PTPRS: variants seen among roughly 807,000 people sequenced by gnomAD.
PTPRS encodes receptor-type tyrosine-protein phosphatase S.
A neutral mutation model predicts 215.3 loss-of-function variants in PTPRS; 63 were observed. That is an observed-to-expected ratio of 0.29 (90% CI 0.24 to 0.36). The LOEUF (loss-of-function observed/expected upper bound fraction) is 0.36. Among genes scored for constraint, PTPRS ranks in the 10% least tolerant of loss-of-function variants. PTPRS has a pLI of 1.00. For synonymous variants in PTPRS, 1,404 were observed against 1,191.4 expected (o/e 1.18, Z -3.68); for missense variants, 2,258 against 2,825.8 (o/e 0.80, Z 4.56).
chr19:5,243,925 T>C lies in PTPRS; in HGVS notation c.1546A>G (p.Ile516Val), dbSNP rs1404373711. 6.4e-7 allele frequency: 1 copy of C among 1,553,804 alleles called. No individual in the cohort carries two copies. The highest frequency in any genetic ancestry group is 8.7e-7 in the Non-Finnish European group (1 of 1,153,898). Residue 516 changes from isoleucine to valine, a missense_variant, in exon 11 of 38, where the codon ATC (isoleucine) becomes GTC (valine). By Grantham distance (29) the Ile-to-Val change is conservative (BLOSUM62 3). Around this residue, in one of 6 missense-constraint regions of PTPRS, gnomAD observed 508 missense variants for 799.4 expected, o/e 0.64. Transcript: ENST00000262963. ...SVGDGPLSDP[I>V]QVKTQQGVPG... ...CCTCCCTGCTGCGTCTTGACCTGGA[T>C]GGGGTCCGAGAGGGGCCCGTCGCCG... is the stretch of plus-strand genomic sequence containing the variant.
chr19:5,313,178 A>C (rs1475353894), intron 1 of PTPRS, among the ~76,000 whole-genome samples: 1 of 152,086 alleles, frequency 6.6e-6, no homozygotes, highest in Admixed American at 6.6e-5. Context: ...CAGCCTCCCA[A>C]AGTGCTGGGA....
intron 33 of PTPRS, among the ~76,000 whole-genome samples, chr19:5,211,311 T>A (rs977431526): frequency 6.6e-6 from 1 of 152,102 alleles, no homozygotes; most frequent in Non-Finnish European, 1.5e-5. Flanking sequence ...GTAGTACTCA[T>A]GAAAATAAGA....
Position 5,244,233 on chromosome 19 carries a change from G to T in PTPRS, c.1238C>A (p.Pro413His). 2 of 1,612,304 alleles carry T rather than the reference G, an allele frequency of 1.2e-6. No homozygotes were observed. Among genetic ancestry groups the T allele is most frequent in the Non-Finnish European group, 1.7e-6 (2 of 1,178,926 alleles). Residue 413 changes from proline (P) to histidine (H), a missense_variant, in exon 11 of 38, where the codon CCC becomes CAC. This residue lies in a region of PTPRS where 508 missense variants were observed against 799.4 expected (regional missense o/e 0.64). Coordinates refer to ENST00000262963, the MANE Select transcript of PTPRS (RefSeq NM_002850.4). This position sits in a 1 kb window ranked among gnomAD's most constrained non-coding sequence, Gnocchi z 7.2. ...TGTGCGGGTGACCACGGACTCGCTG[G>T]GGGGCCCCTGGCCGATGGAGTTGAC... ...SAVNSIGQGP[P>H]SESVVTRTGE...
At chr19:5,279,712 TCA>T (rs1475945764) in intron 2 of PTPRS, among the ~76,000 whole-genome samples, 6 of 151,928 alleles carry the variant, frequency 3.9e-5, no homozygotes, top group Admixed American at 1.3e-4. Flanking sequence ...AGACAGAGTC[TCA>T]CTGTGTCACC....
rs1474246340 is a variant in PTPRS at position 5,231,500 on chromosome 19, G to A, written c.1965C>T (p.Ser655=). The A allele has an allele frequency of 3.1e-6, 5 of 1,612,486 alleles. No homozygotes were observed. Among genetic ancestry groups the A allele is most frequent in the Non-Finnish European group, 4.2e-6 (5 of 1,179,854 alleles). ...ETHNGALVGY[S]VRYRPLGSED... ...CTGAGCCCAGCGGTCGGTAGCGGACGCTGTAGCCCACCAGGGCCCCGTTGT... is the reference window on the plus strand; with the variant it reads ...CTGAGCCCAGCGGTCGGTAGCGGACACTGTAGCCCACCAGGGCCCCGTTGT... The change falls in exon 14 of 38, where the codon AGC becomes AGT. Residue 655 remains serine (S), a synonymous_variant. Coordinates refer to ENST00000262963, the MANE Select transcript of PTPRS (RefSeq NM_002850.4).
intron 16 of PTPRS, among the ~76,000 whole-genome samples, chr19:5,228,437 C>A (rs1199063033): frequency 6.6e-6 from 1 of 151,700 alleles, no homozygotes; most frequent in Non-Finnish European, 1.5e-5. Context: ...CCTCTGCCTC[C>A]CAGGTTCAAA....
At position 5,310,049 on chromosome 19, in the gene PTPRS, C is replaced by T. The variant is rs199938880; in HGVS notation, c.-94-23815G>A. 3.6e-4 allele frequency among the ~76,000 whole-genome samples: 55 copies of T among 152,216 alleles called. 1 individual carries two copies. In the East Asian group the frequency reaches 9.9e-3, roughly 27 times the overall value. On this transcript the variant is annotated intron_variant, in intron 1 of 37. Coordinates refer to ENST00000262963, the MANE Select transcript of PTPRS (RefSeq NM_002850.4). ...ACCTGCTCTGTCCTCTCCCTGCTCT[C>T]CCCTCCCCTCCTCCCCCTCCTCACT...
chr19:5,223,044 C>T lies in PTPRS; in HGVS notation c.2748G>A (p.Glu916=), dbSNP rs1450151264. The change falls in exon 18 of 38, where the codon GAG becomes GAA. Residue 916 remains glutamate, a synonymous_variant. Transcript: ENST00000262963. ...CCGGGATGCTCAGGACCTCGGCTGC[C>T]TCCTCGCCCAGGCCGCCGCGGCTCC... is the stretch of plus-strand genomic sequence containing the variant. The part of the protein sequence containing the change: ...AARSRGGLGE[E]AAEVLSIPED... The T allele has an allele frequency of 6.5e-7, 1 of 1,548,562 alleles. No individual in the cohort carries two copies. Among genetic ancestry groups the T allele is most frequent in the African/African-American group, 1.4e-5 (1 of 73,076 alleles).
At chr19:5,216,133 T>TAC (rs1336676706) in intron 26 of PTPRS, among the ~76,000 whole-genome samples, 1 of 152,082 alleles carries the variant, frequency 6.6e-6, no homozygotes, top group Non-Finnish European at 1.5e-5. Context: ...TGTGTGTGTG[T>TAC]ACGTGAGAGG....
At chr19:5,319,059 C>T (rs1465624468) in intron 1 of PTPRS, among the ~76,000 whole-genome samples, 2 of 152,136 alleles carry the variant, frequency 1.3e-5, no homozygotes, top group African/African-American at 4.8e-5. Context: ...AGCATCAGCT[C>T]AGCCTGGCCA....
intron 1 of PTPRS, among the ~76,000 whole-genome samples, chr19:5,324,298 GCA>G (rs777202160): frequency 3.6e-4 from 54 of 150,664 alleles, no homozygotes; most frequent in Non-Finnish European, 6.5e-4. Context: ...AGTACTCAGC[GCA>G]CAGTCCGGCA....
rs1378065887 is a variant in PTPRS, at chr19:5,339,502, C to G, written c.-95+1162G>C. ...TTTGAGGATTCTGGAGAGAAAGCGG[C>G]CGAAGGGGAGTTCCCCAATTTGGGA... On this transcript the variant is annotated intron_variant, in intron 1 of 37. Coordinates refer to ENST00000262963, the MANE Select transcript of PTPRS (RefSeq NM_002850.4). The surrounding 1 kb of genome is among the most constrained non-coding windows in gnomAD (Gnocchi z 4.2). Among the ~76,000 whole-genome samples the G allele has an allele frequency of 6.6e-6, 1 of 150,922 alleles. No individual in the cohort carries two copies. The highest frequency in any genetic ancestry group is 1.5e-5 in the Non-Finnish European group (1 of 67,784).
intron 21 of PTPRS, 31 bp from the exon 22 acceptor site, chr19:5,220,185 G>T: frequency 1.2e-6 from 2 of 1,608,898 alleles, no homozygotes; most frequent in Non-Finnish European, 1.7e-6. Flanking sequence ...GTGGCTCAGA[G>T]CTCAGCTGGG....
At chr19:5,265,326 G>T in intron 4 of PTPRS, 130 bp from the exon 5 acceptor site, 1 of 791,812 alleles carries the variant, frequency 1.3e-6, no homozygotes, top group Non-Finnish European at 2.0e-6. Context: ...AGCCATGGGT[G>T]CCATCCTTTA....
intron 4 of PTPRS, among the ~76,000 whole-genome samples, chr19:5,271,628 G>A (rs1436460656): frequency 6.7e-6 from 1 of 150,202 alleles, no homozygotes; most frequent in African/African-American, 2.4e-5. Flanking sequence ...TCTAAGTCCT[G>A]ACCTCGCGAT....
At chr19:5,248,265 A>G (rs935939105) in intron 9 of PTPRS, among the ~76,000 whole-genome samples, 1 of 151,136 alleles carries the variant, frequency 6.6e-6, no homozygotes, top group African/African-American at 2.5e-5. Flanking sequence ...GTCCAAAACA[A>G]AACCAGGAAG....
intron 4 of PTPRS, among the ~76,000 whole-genome samples, chr19:5,265,529 A>AG (rs2046338033): frequency 6.6e-6 from 1 of 152,096 alleles, no homozygotes; most frequent in African/African-American, 2.4e-5. Flanking sequence ...TTTTGTAGAG[A>AG]GGGGGTCTCG....
intron 5 of PTPRS, among the ~76,000 whole-genome samples, chr19:5,263,609 C>T (rs1330823120): frequency 4.6e-5 from 7 of 152,164 alleles, no homozygotes; most frequent in South Asian, 2.1e-4. Flanking sequence ...GCGTCAAGCC[C>T]GGCACAACTG....
intron 1 of PTPRS, among the ~76,000 whole-genome samples, chr19:5,333,872 T>C (rs1600149200): frequency 6.6e-6 from 1 of 152,224 alleles, no homozygotes; most frequent in African/African-American, 2.4e-5. Context: ...AATATTCGAA[T>C]GAATGCATGC....
Sources: gnomAD v4.1 joint callset for allele counts (sites outside exome capture counted in the v4.1 genomes callset) on GRCh38, gnomAD v4.1.1 for gene constraint, gnomAD v4.1.1 regional missense constraint, Gnocchi (gnomAD v3.1) non-coding constraint, MANE v1.5 for transcripts, NCBI Gene and HGNC (gene_info 2026-07-23, HGNC 2026-07-21) for gene names.